TENM3: variants seen among roughly 807,000 people sequenced by gnomAD.
TENM3 encodes the protein teneurin transmembrane protein 3.
Under a neutral mutation model 255.1 loss-of-function variants are expected in TENM3, and 63 were observed. The observed-to-expected ratio is 0.25, with a 90% CI of 0.20 to 0.30. The LOEUF is 0.30. Ranked by LOEUF, TENM3 falls within the 10% of genes least tolerant of loss-of-function variation. The pLI, the probability that TENM3 is intolerant of heterozygous loss-of-function variation, is 1.00. For synonymous variants in TENM3, 1,306 were observed against 1,322.3 expected, an observed-to-expected ratio of 0.99 and a Z score of 0.27; for missense variants, 2,929 against 3,461.1, an observed-to-expected ratio of 0.85 and a Z score of 3.86.
At chr4:182,405,438 T>C (rs1769500521) in intron 3 of TENM3, among the ~76,000 whole-genome samples, 1 of 152,154 alleles carries the variant, frequency 6.6e-6, no homozygotes. Flanking sequence ...GCATGTTGAG[T>C]GTATGGAACT....
chr4:181,751,396 C>T, the TENM3 span, among the ~76,000 whole-genome samples: 3 of 142,692 alleles, frequency 2.1e-5, no homozygotes, highest in Admixed American at 2.1e-4. Context: ...AATTTAGCAA[C>T]TACTACAGCC....
the TENM3 span, among the ~76,000 whole-genome samples, chr4:181,765,259 T>C: frequency 6.6e-6 from 1 of 152,218 alleles, no homozygotes; most frequent in Non-Finnish European, 1.5e-5. Context: ...GGGAAATGTT[T>C]ATTATGTATT....
At chr4:181,940,788 A>G in the TENM3 span, among the ~76,000 whole-genome samples, 1 of 152,186 alleles carries the variant, frequency 6.6e-6, no homozygotes. Context: ...TTCTTCTGAA[A>G]TTTCACTGGG....
intron 3 of TENM3, among the ~76,000 whole-genome samples, chr4:182,560,289 A>G (rs1426637744): frequency 2.0e-5 from 3 of 152,142 alleles, no homozygotes; most frequent in African/African-American, 4.8e-5. Flanking sequence ...CTGAAGTATG[A>G]AGGCCAATTG....
At chr4:181,745,791 C>G in the TENM3 span, among the ~76,000 whole-genome samples, 1 of 152,124 alleles carries the variant, frequency 6.6e-6, no homozygotes, top group Admixed American at 6.6e-5. Flanking sequence ...GGAGAATAAA[C>G]AGAATGGGGA....
chr4:182,498,360 C>T (rs560781603), intron 3 of TENM3, among the ~76,000 whole-genome samples: 5 of 152,274 alleles, frequency 3.3e-5, no homozygotes, highest in African/African-American at 7.2e-5. Context: ...CATCATTCGT[C>T]TTCACCTCTT....
chr4:181,590,668 T>G, the TENM3 span, among the ~76,000 whole-genome samples: 2 of 152,326 alleles, frequency 1.3e-5, no homozygotes, highest in East Asian at 3.9e-4. Context: ...AGGAATTGCC[T>G]TCCCAACAGA....
At chr4:182,634,607 G>A (rs1751686036) in intron 5 of TENM3, among the ~76,000 whole-genome samples, 1 of 150,448 alleles carries the variant, frequency 6.6e-6, no homozygotes, top group Non-Finnish European at 1.5e-5. Context: ...CAAATGTTAG[G>A]TTCAATGATT....
intron 1 of TENM3, among the ~76,000 whole-genome samples, chr4:182,246,659 T>C (rs1316707418): frequency 6.6e-6 from 1 of 152,220 alleles, no homozygotes; most frequent in Non-Finnish European, 1.5e-5. Context: ...ATGGGCTATG[T>C]CTGCCAGAAA....
the TENM3 span, among the ~76,000 whole-genome samples, chr4:181,674,327 G>T: frequency 9.2e-5 from 14 of 151,754 alleles, no homozygotes; most frequent in African/African-American, 3.1e-4. Flanking sequence ...ACAAAATACA[G>T]ACTTACTACT....
chr4:182,488,869 G>A (rs1381333496), intron 3 of TENM3, among the ~76,000 whole-genome samples: 1 of 152,158 alleles, frequency 6.6e-6, no homozygotes, highest in Non-Finnish European at 1.5e-5. Flanking sequence ...ACAGAAGCCA[G>A]TGGAGGTGGG....
Position 182,754,010 on chromosome 4 carries a change from G to A in TENM3, c.4018-375G>A, listed in dbSNP as rs564523541. Among the ~76,000 whole-genome samples the A allele has an allele frequency of 2.0e-5, 3 of 152,282 alleles. No individual in the cohort carries two copies. The South Asian group carries it at 6.2e-4, about 32-fold the overall frequency. ...GAAATAGAAACTTTACTGTTGGCCT[G>A]ATTGAAAACACAATAGAATACTAAT... On this transcript the variant is annotated intron_variant, in intron 21 of 27. Coordinates refer to ENST00000511685, the MANE Select transcript of TENM3 (RefSeq NM_001080477.4). This position sits in a 1 kb window ranked among gnomAD's most constrained non-coding sequence, Gnocchi z 5.1.
chr4:181,828,691 T>A, the TENM3 span, among the ~76,000 whole-genome samples: 1 of 152,140 alleles, frequency 6.6e-6, no homozygotes, highest in Non-Finnish European at 1.5e-5. Context: ...CAGGTTCAAG[T>A]GATTCTCCTG....
chr4:182,192,131 A>G (rs1352643871), intron 1 of TENM3, among the ~76,000 whole-genome samples: 1 of 152,166 alleles, frequency 6.6e-6, no homozygotes, highest in African/African-American at 2.4e-5. Context: ...GGCATCCACA[A>G]AGAGTCTGAT....
intron 3 of TENM3, among the ~76,000 whole-genome samples, chr4:182,369,607 G>A (rs1766660047): frequency 6.6e-6 from 1 of 152,210 alleles, no homozygotes; most frequent in Admixed American, 6.5e-5. Flanking sequence ...CTGGCCAGGT[G>A]TAGTGGCTCA....
intron 3 of TENM3, among the ~76,000 whole-genome samples, chr4:182,397,570 A>T (rs1307839102): frequency 6.6e-6 from 1 of 152,098 alleles, no homozygotes; most frequent in Non-Finnish European, 1.5e-5. Flanking sequence ...TTTTATCTCC[A>T]CTTTATGGAT....
At chr4:182,400,977 C>A (rs73869969) in intron 3 of TENM3, among the ~76,000 whole-genome samples, 1 of 152,130 alleles carries the variant, frequency 6.6e-6, no homozygotes, top group African/African-American at 2.4e-5. Flanking sequence ...GGAGCAACCC[C>A]GTGCTGCTGG....
At chr4:181,669,906 T>C in the TENM3 span, among the ~76,000 whole-genome samples, 1 of 152,146 alleles carries the variant, frequency 6.6e-6, no homozygotes, top group African/African-American at 2.4e-5. Flanking sequence ...CAGCAACAGG[T>C]TGAAAGCTGG....
At chr4:182,399,627 A>G (rs7673990) in intron 3 of TENM3, among the ~76,000 whole-genome samples, 3,903 of 152,272 alleles carry the variant, frequency 0.026, 97 homozygotes, top group East Asian at 0.1. Context: ...TTCCTCTGCA[A>G]TCTCTGTGTT....
Sources: gnomAD v4.1 joint callset for allele counts (sites outside exome capture counted in the v4.1 genomes callset) on GRCh38, gnomAD v4.1.1 for gene constraint, Gnocchi (gnomAD v3.1) non-coding constraint, MANE v1.5 for transcripts, NCBI Gene and HGNC (gene_info 2026-07-23, HGNC 2026-07-21) for gene names.